The following CACNA1C variants were observed in gnomAD, a reference collection of about 807,000 sequenced individuals.
CACNA1C encodes the protein calcium voltage-gated channel subunit alpha1 C.
In CACNA1C, 30 loss-of-function variants were observed where a neutral mutation model predicts 229.0. The ratio of observed to expected loss-of-function variants is 0.13; its 90% CI spans 0.10 to 0.18. The LOEUF is 0.18. Ranked by LOEUF, CACNA1C falls within the 10% of genes least tolerant of loss-of-function variation. The pLI is 1.00. For missense variants in CACNA1C, 1,658 were observed against 2,845.0 expected, an observed-to-expected ratio of 0.58 and a Z score of 9.49; for synonymous variants, 1,114 against 1,132.5, an observed-to-expected ratio of 0.98 and a Z score of 0.33.
intron 3 of CACNA1C, among the ~76,000 whole-genome samples, chr12:2,442,638 G>T (rs1294462532): frequency 6.6e-6 from 1 of 152,180 alleles, no homozygotes; most frequent in African/African-American, 2.4e-5. Flanking sequence ...CTGAGACTGG[G>T]TAATGTATAA....
chr12:2,016,975 T>G (rs1380475877), intron 1 of CACNA1C, among the ~76,000 whole-genome samples: 1 of 152,210 alleles, frequency 6.6e-6, no homozygotes, highest in East Asian at 1.9e-4. Context: ...TATAGCCAAC[T>G]CTGGAAAAAC....
In CACNA1C at chr12:2,674,491, C is replaced by T; in HGVS notation, c.4727-50C>T. 6.5e-7 allele frequency: 1 copy of T among 1,538,760 alleles called. No homozygotes were observed. Among genetic ancestry groups the T allele is most frequent in the Non-Finnish European group, 8.8e-7 (1 of 1,137,724 alleles). On this transcript the variant is annotated intron_variant, in intron 38 of 46. Transcript: ENST00000399655. ...GCTTCCTACCTTACGCAGAGGGACC[C>T]AGCCCATCAGAGGCCCACCAAGGGG...
chr12:2,084,549 C>A (rs1298965367), intron 1 of CACNA1C, among the ~76,000 whole-genome samples: 1 of 152,216 alleles, frequency 6.6e-6, no homozygotes, highest in Non-Finnish European at 1.5e-5. Flanking sequence ...ATTCCTCTCC[C>A]TCTTGCCCCA....
chr12:1,990,904 C>T (rs1467504616), intron 1 of CACNA1C, among the ~76,000 whole-genome samples: 5 of 150,642 alleles, frequency 3.3e-5, no homozygotes, highest in South Asian at 4.2e-4. Context: ...CTTTGATGCC[C>T]GGGATTGAAA....
chr12:2,589,614 G>GGGGTAC (rs1265766889), intron 18 of CACNA1C, among the ~76,000 whole-genome samples: 4 of 152,106 alleles, frequency 2.6e-5, no homozygotes, highest in Admixed American at 6.5e-5. Context: ...GGCTGGGTCT[G>GGGGTAC]ATCCAGTGCC....
chr12:2,316,394 G>A (rs73605740), intron 3 of CACNA1C, among the ~76,000 whole-genome samples: 4,997 of 152,262 alleles, frequency 0.033, 188 homozygotes, highest in African/African-American at 0.087. Flanking sequence ...TGTGGTAAAC[G>A]TTCAAGAGTG....
At chr12:2,617,793 G>C (rs1384322032) in intron 29 of CACNA1C, among the ~76,000 whole-genome samples, 2 of 152,192 alleles carry the variant, frequency 1.3e-5, no homozygotes, top group African/African-American at 4.8e-5. Flanking sequence ...TGGGGCTGTA[G>C]GTTCGCATAT....
intron 3 of CACNA1C, among the ~76,000 whole-genome samples, chr12:2,355,979 C>T (rs139234465): frequency 6.6e-6 from 1 of 152,334 alleles, no homozygotes; most frequent in East Asian, 1.9e-4. Context: ...CCCTCTCCTC[C>T]AGGCCCGCAA....
At chr12:2,143,091 T>C (rs1473615876) in intron 3 of CACNA1C, among the ~76,000 whole-genome samples, 1 of 150,942 alleles carries the variant, frequency 6.6e-6, no homozygotes, top group Non-Finnish European at 1.5e-5. Context: ...TTCTTCTGCC[T>C]CAGCCTCTCG....
intron 1 of CACNA1C, among the ~76,000 whole-genome samples, chr12:2,032,609 T>C (rs68133359): frequency 3.9e-5 from 6 of 152,124 alleles, no homozygotes; most frequent in Admixed American, 1.3e-4. Context: ...TTGATGTTCA[T>C]TGGGGCTGCA....
At position 2,605,634 on chromosome 12, in the gene CACNA1C, C is replaced by T. The variant is rs2153426726; in HGVS notation, c.3049-45C>T. 7.1e-6 allele frequency: 10 copies of T among 1,417,182 alleles called. No homozygotes were observed. The highest frequency in any genetic ancestry group is 1.0e-5 in the Non-Finnish European group (10 of 1,001,266). The allele number at this position is 1,417,182 out of a possible 1,614,324, so 87.8% of individuals were successfully genotyped here. A position where few individuals can be genotyped will look rare whatever the true frequency, so the allele number is the denominator to read the frequency against. On this transcript the variant is annotated intron_variant, in intron 23 of 46. Transcript: ENST00000399655. The surrounding 1 kb of genome is among the most constrained non-coding windows in gnomAD (Gnocchi z 6.2). ...TGCTACCTCCTGGAAAGGCTCCTGG[C>T]ATCTCCTGAAGCCACGTCCCTCTCC...
rs1191345452 is a variant in CACNA1C at position 2,372,606 on chromosome 12, A to G, written c.478-76370A>G. On this transcript the variant is annotated intron_variant, in intron 3 of 46. Transcript: ENST00000399655. ...CCTCCACATTACCAAAATAATAATAATAAATAAATCCGCATTCCCTTTTTT... is the reference window on the plus strand; with the variant it reads ...CCTCCACATTACCAAAATAATAATAGTAAATAAATCCGCATTCCCTTTTTT... Among the ~76,000 whole-genome samples the G allele has an allele frequency of 2.0e-5, 3 of 152,276 alleles. No homozygotes were observed. The East Asian group carries it at 5.8e-4, about 29-fold the overall frequency.
At position 2,082,469 on chromosome 12, in the gene CACNA1C, C is replaced by T. The variant is rs7137474; in HGVS notation, c.49+28858C>T. ...ACAAGACTGGGCCGGCTGTCGCTCC[C>T]CAGTTTCTATGTGGCAGTCAGACAA... is the stretch of plus-strand genomic sequence containing the variant. On this transcript the variant is annotated intron_variant, in intron 1 of 46. Coordinates refer to ENST00000399655, the MANE Select transcript of CACNA1C (RefSeq NM_000719.7). 6.3e-3 allele frequency among the ~76,000 whole-genome samples: 962 copies of T among 152,294 alleles called. 8 individuals are homozygous for T. The highest frequency in any genetic ancestry group is 0.021 in the African/African-American group (880 of 41,554).
At chr12:2,056,210 T>A (rs938503325) in intron 1 of CACNA1C, among the ~76,000 whole-genome samples, 5 of 81,010 alleles carry the variant, frequency 6.2e-5, no homozygotes, top group East Asian at 9.8e-4. Flanking sequence ...TGTGTGTGTG[T>A]GTGTGTGTGT....
intron 3 of CACNA1C, among the ~76,000 whole-genome samples, chr12:2,249,871 C>T (rs1025057178): frequency 4.6e-5 from 7 of 151,332 alleles, no homozygotes; most frequent in Non-Finnish European, 8.8e-5. Context: ...CCCAGGTTCA[C>T]GCGATTCTCC....
intron 3 of CACNA1C, among the ~76,000 whole-genome samples, chr12:2,237,461 CTGT>C (rs1792586198): frequency 6.6e-6 from 1 of 152,192 alleles, no homozygotes; most frequent in South Asian, 2.1e-4. Context: ...ATTTCTGTTC[CTGT>C]TGTTTGACAG....
intron 3 of CACNA1C, among the ~76,000 whole-genome samples, chr12:2,306,703 A>C (rs1006978003): frequency 2.6e-5 from 4 of 152,208 alleles, no homozygotes; most frequent in African/African-American, 9.6e-5. Context: ...AGGGTATGTT[A>C]GTCAAAAAAA....
At chr12:2,077,779 T>C (rs765045432) in intron 1 of CACNA1C, among the ~76,000 whole-genome samples, 6 of 152,162 alleles carry the variant, frequency 3.9e-5, no homozygotes, top group Non-Finnish European at 7.3e-5. Flanking sequence ...GAAACTCTGT[T>C]TACTGCTTTG....
intron 3 of CACNA1C, among the ~76,000 whole-genome samples, chr12:2,185,045 C>T (rs2096955215): frequency 6.6e-6 from 1 of 150,770 alleles, no homozygotes; most frequent in Non-Finnish European, 1.5e-5. Flanking sequence ...TGCTCCTGGG[C>T]TTTACAACTC....
Sources: allele counts gnomAD v4.1 joint callset (sites outside exome capture counted in the v4.1 genomes callset), GRCh38; gene constraint gnomAD v4.1.1; non-coding constraint Gnocchi (gnomAD v3.1); transcripts MANE v1.5; gene names NCBI Gene and HGNC (gene_info 2026-07-23, HGNC 2026-07-21).